Variants in LARP4B observed in about 807,000 individuals in gnomAD.
LARP4B encodes the protein la-related protein 4B.
In LARP4B, 12 loss-of-function variants were observed where a neutral mutation model predicts 89.8. The ratio of observed to expected loss-of-function variants is 0.13; its 90% confidence interval spans 0.09 to 0.22. The LOEUF is 0.22. Ranked by LOEUF, LARP4B falls within the 10% of genes least tolerant of loss-of-function variation. LARP4B has a pLI of 1.00. For missense variants in LARP4B, 757 were observed against 947.7 expected, an observed-to-expected ratio of 0.80 and a Z score of 2.64; for synonymous variants, 367 against 363.3, an observed-to-expected ratio of 1.01 and a Z score of -0.12.
In LARP4B at chr10:884,763, C is replaced by T. The variant is rs571399045; in HGVS notation, c.82-257G>A. ...TACTTTGCTCAAAGCCACTTTGGAACTTTAAATATTACTGCTTGACATAAA... is the reference window on the plus strand; with the variant it reads ...TACTTTGCTCAAAGCCACTTTGGAATTTTAAATATTACTGCTTGACATAAA... On this transcript the variant is annotated intron_variant, in intron 2 of 17. Transcript: ENST00000316157. Among the ~76,000 whole-genome samples the T allele has an allele frequency of 3.3e-5, 5 of 152,252 alleles. No homozygotes were observed. The East Asian group carries it at 9.6e-4, about 29-fold the overall frequency.
At chr10:837,890 G>C (rs1372585404) in intron 7 of LARP4B, among the ~76,000 whole-genome samples, 1 of 151,820 alleles carries the variant, frequency 6.6e-6, no homozygotes, top group East Asian at 1.9e-4. Flanking sequence ...TTACAAATTG[G>C]ACTATATAAA....
intron 1 of LARP4B, among the ~76,000 whole-genome samples, chr10:922,889 A>G (rs983876570): frequency 1.3e-5 from 2 of 152,118 alleles, no homozygotes; most frequent in African/African-American, 2.4e-5. Context: ...CCTGGCTAAC[A>G]TGGTGAAACC....
At chr10:823,562 G>T (rs148336463) in intron 13 of LARP4B, among the ~76,000 whole-genome samples, 60 of 151,642 alleles carry the variant, frequency 4.0e-4, no homozygotes, top group African/African-American at 1.5e-3. Context: ...GTATGAACAA[G>T]GCACACTGAA....
chr10:878,707 G>A (rs1025966910), intron 3 of LARP4B, among the ~76,000 whole-genome samples: 7 of 152,112 alleles, frequency 4.6e-5, no homozygotes, highest in African/African-American at 1.2e-4. Flanking sequence ...GCCAGGCAGC[G>A]GACTCCGACA....
At chr10:939,341 A>T in the LARP4B span, among the ~76,000 whole-genome samples, 20 of 152,208 alleles carry the variant, frequency 1.3e-4, no homozygotes, top group African/African-American at 4.8e-4. Context: ...GGTCTGCAGG[A>T]ACATGTAATT....
chr10:862,575 A>G (rs956196657), intron 5 of LARP4B, among the ~76,000 whole-genome samples: 2 of 152,172 alleles, frequency 1.3e-5, no homozygotes, highest in Non-Finnish European at 2.9e-5. Flanking sequence ...CCTGGCTAAC[A>G]TGGTGAAACC....
Position 811,390 on chromosome 10 carries a change from T to C in LARP4B, c.*1536A>G, listed in dbSNP as rs895200907. On this transcript the variant is annotated 3_prime_UTR_variant, in exon 18 of 18. Transcript: ENST00000316157. ...ACGTATTTAATACAGTATTGACTATTTGCATTTACAGGATTTTCCAACATT... is the reference window on the plus strand; with the variant it reads ...ACGTATTTAATACAGTATTGACTATCTGCATTTACAGGATTTTCCAACATT... 6.6e-6 allele frequency: 1 copy of C among 152,654 alleles called. No individual in the cohort carries two copies. Among genetic ancestry groups the C allele is most frequent in the Non-Finnish European group, 1.5e-5 (1 of 68,048 alleles). The allele number at this position is 152,654 out of a possible 1,614,324, so 9.5% of individuals were successfully genotyped here.
chr10:963,143 T>C, the LARP4B span, among the ~76,000 whole-genome samples: 2 of 152,170 alleles, frequency 1.3e-5, no homozygotes, highest in Non-Finnish European at 2.9e-5. Context: ...CCACATACCA[T>C]GGTAGTCCAG....
chr10:889,393 C>T (rs1025381387), intron 1 of LARP4B, among the ~76,000 whole-genome samples: 3 of 152,102 alleles, frequency 2.0e-5, no homozygotes, highest in Non-Finnish European at 1.5e-5. Flanking sequence ...CACACTCACT[C>T]ACTCAGACTG....
chr10:860,127 T>TGGGGAGGGGGGGGGGGGGGGGGGGGGG (rs1834521806), intron 5 of LARP4B, among the ~76,000 whole-genome samples: 1 of 96,210 alleles, frequency 1.0e-5, no homozygotes, highest in African/African-American at 4.1e-5. Flanking sequence ...TGTGTGGGGG[T>TGGGGAGGGGGGGGGGGGGGGGGGGGGG]GGGGGGGAGG....
At chr10:949,808 CT>C in the LARP4B span, among the ~76,000 whole-genome samples, 13 of 151,840 alleles carry the variant, frequency 8.6e-5, no homozygotes, top group Admixed American at 7.2e-4. Context: ...CTGGACTGCA[CT>C]TTTTTTTTCT....
intron 3 of LARP4B, among the ~76,000 whole-genome samples, chr10:876,753 C>G (rs1835469148): frequency 6.6e-6 from 1 of 152,090 alleles, no homozygotes; most frequent in South Asian, 2.1e-4. Context: ...GGCTTCTCTG[C>G]AGCAGGTTCA....
chr10:839,991 C>T (rs1833442752), intron 7 of LARP4B, among the ~76,000 whole-genome samples: 1 of 151,970 alleles, frequency 6.6e-6, no homozygotes, highest in Non-Finnish European at 1.5e-5. Context: ...CAGTAAACAA[C>T]AATAGTTATG....
chr10:974,471 T>C, the LARP4B span, among the ~76,000 whole-genome samples: 1 of 152,192 alleles, frequency 6.6e-6, no homozygotes, highest in Non-Finnish European at 1.5e-5. Context: ...TGCTCTCAGC[T>C]TCCTTCATTG....
chr10:873,547 T>A, intron 3 of LARP4B: 1 of 363,118 alleles, frequency 2.8e-6, no homozygotes, highest in Non-Finnish European at 3.8e-6. Flanking sequence ...GGTAACTAAA[T>A]AAAATAGTTC....
At chr10:943,301 T>C in the LARP4B span, among the ~76,000 whole-genome samples, 6 of 152,192 alleles carry the variant, frequency 3.9e-5, no homozygotes, top group Admixed American at 3.9e-4. Flanking sequence ...TGTGTTATTC[T>C]GGGACTTCAG....
At chr10:860,710 A>G (rs896138485) in intron 5 of LARP4B, among the ~76,000 whole-genome samples, 6 of 152,234 alleles carry the variant, frequency 3.9e-5, no homozygotes, top group African/African-American at 1.2e-4. Flanking sequence ...AACCTAAGTC[A>G]GACAAAAACA....
chr10:938,712 A>G, the LARP4B span, among the ~76,000 whole-genome samples: 36 of 152,312 alleles, frequency 2.4e-4, no homozygotes, highest in Middle Eastern at 3.4e-3. Context: ...CTGTATGTAT[A>G]TGTCTATATA....
At chr10:823,617 C>T (rs1321394636) in intron 13 of LARP4B, among the ~76,000 whole-genome samples, 4 of 151,262 alleles carry the variant, frequency 2.6e-5, no homozygotes, top group Admixed American at 6.6e-5. Context: ...ATCTAGTCTG[C>T]CTCCTTCCAC....
Sources: gnomAD v4.1 joint callset for allele counts (sites outside exome capture counted in the v4.1 genomes callset) on GRCh38, gnomAD v4.1.1 for gene constraint, MANE v1.5 for transcripts, NCBI Gene and HGNC (gene_info 2026-07-23, HGNC 2026-07-21) for gene names.